The following STK11IP variants were observed in gnomAD, a reference collection of about 807,000 sequenced individuals.
The protein encoded by STK11IP is serine/threonine-protein kinase 11-interacting protein.
Under a neutral mutation model 131.7 loss-of-function variants are expected in STK11IP, and 103 were observed. The ratio of observed to expected loss-of-function variants is 0.78; its 90% CI spans 0.67 to 0.92. STK11IP has a LOEUF of 0.92. Ranked by LOEUF, STK11IP falls within the 40% of genes least tolerant of loss-of-function variation. STK11IP has a pLI of 0.00. For synonymous variants in STK11IP, 557 were observed against 575.6 expected (o/e 0.97, Z 0.46); for missense variants, 1,315 against 1,385.7 (o/e 0.95, Z 0.81).
chr2:219,607,668 A>G (rs59526512), intron 13 of STK11IP, among the ~76,000 whole-genome samples: 1 of 152,220 alleles, frequency 6.6e-6, no homozygotes, highest in African/African-American at 2.4e-5. Context: ...TTAAAAAAAA[A>G]AGTAAAAAAC....
At chr2:219,601,831 T>C (rs898096097) in intron 4 of STK11IP, 116 bp downstream of exon 4, 2 of 1,278,410 alleles carry the variant, frequency 1.6e-6, no homozygotes, top group Non-Finnish European at 2.2e-6. Context: ...TACCCATTGC[T>C]CTGCAGTCAT....
intron 19 of STK11IP, among the ~76,000 whole-genome samples, chr2:219,612,745 C>T (rs867754580): frequency 9.2e-5 from 14 of 152,194 alleles, no homozygotes; most frequent in African/African-American, 3.4e-4. Flanking sequence ...GGGGGGCCGG[C>T]AGGGGCCAGG....
intron 2 of STK11IP, among the ~76,000 whole-genome samples, chr2:219,600,841 T>A (rs1416116448): frequency 6.6e-6 from 1 of 152,254 alleles, no homozygotes; most frequent in Non-Finnish European, 1.5e-5. Context: ...TATTACTTCT[T>A]GAGGCGGCTT....
Position 219,611,838 on chromosome 2 carries a change from AGT to A in STK11IP, c.2335+5_2335+6del, listed in dbSNP as rs1400752243. 1.9e-6 allele frequency: 3 copies of A among 1,608,566 alleles called. No individual in the cohort carries two copies. The highest frequency in any genetic ancestry group is 2.5e-6 in the Non-Finnish European group (3 of 1,177,716). ...GGTAGTTGGAGCCTCAGTCCCCGTG[AGT>A]ATAGGCAAAACAAGACATAGATGAG... On this transcript the variant is annotated splice_donor_5th_base_variant and intron_variant, in intron 18 of 24. Coordinates refer to ENST00000456909, the MANE Select transcript of STK11IP (RefSeq NM_052902.4).
chr2:219,602,208 C>A, intron 5 of STK11IP, 125 bp downstream of exon 5: 1 of 732,458 alleles, frequency 1.4e-6, no homozygotes, highest in Non-Finnish European at 2.3e-6. Context: ...TGTCCTCACT[C>A]CCTCTCTGTG....
At chr2:219,609,808 A>G in intron 17 of STK11IP, 1 of 389,316 alleles carries the variant, frequency 2.6e-6, no homozygotes, top group South Asian at 2.8e-5. Context: ...GCTTAAACAT[A>G]CTCATTATTT....
intron 10 of STK11IP, 64 bp downstream of exon 10, chr2:219,606,354 C>T: frequency 6.5e-7 from 1 of 1,544,560 alleles, no homozygotes; most frequent in Non-Finnish European, 8.8e-7. Flanking sequence ...CCACCTTGCA[C>T]CCTCTTGCCA....
At chr2:219,611,125 C>T (rs558617432) in intron 17 of STK11IP, among the ~76,000 whole-genome samples, 70 of 152,256 alleles carry the variant, frequency 4.6e-4, no homozygotes, top group African/African-American at 1.7e-3. Context: ...AGACGAGGAA[C>T]CAGGCTCACA....
intron 11 of STK11IP, 43 bp downstream of exon 11, chr2:219,606,560 A>C (rs1559180337): frequency 6.2e-7 from 1 of 1,612,064 alleles, no homozygotes; most frequent in Admixed American, 1.7e-5. Flanking sequence ...GGAAGACACG[A>C]AGGGAGGGCG....
At position 219,601,460 on chromosome 2, in the gene STK11IP, G is replaced by A; in HGVS notation, c.267+20G>A. 1 of 1,613,108 alleles carries A rather than the reference G, an allele frequency of 6.2e-7. No individual in the cohort carries two copies. Among genetic ancestry groups the A allele is most frequent in the African/African-American group, 1.3e-5 (1 of 75,046 alleles). ...CTCAAGGTTCTGGGTGTGGGGAAGA[G>A]GCAGGATGTGCAAGGAGCCCAAGAG... On this transcript the variant is annotated intron_variant, in intron 3 of 24. Transcript: ENST00000456909.
rs1309081218 is a variant in STK11IP at position 219,615,305 on chromosome 2, A to C, written c.3081A>C (p.Ser1027=). The C allele has an allele frequency of 6.2e-7, 1 of 1,602,956 alleles. No homozygotes were observed. Among genetic ancestry groups the C allele is most frequent in the Non-Finnish European group, 8.5e-7 (1 of 1,179,542 alleles). ...SSLSSVLLYR[S]APEDLRLLFY... ...TGAGCTCCGTGCTGCTCTACCGCTC[A>C]GCCCCTGAGGACTTGCGGCTGCTCT... Residue 1027 remains serine, a synonymous_variant, in exon 24 of 25, where the codon TCA becomes TCC. Coordinates refer to ENST00000456909, the MANE Select transcript of STK11IP (RefSeq NM_052902.4).
rs1698189623 is a variant in STK11IP, at chr2:219,606,997, G to A, written c.1135-56G>A. The A allele has an allele frequency of 3.1e-6, 5 of 1,608,022 alleles. No homozygotes were observed. In the South Asian group the frequency reaches 5.5e-5, roughly 18 times the overall value. On this transcript the variant is annotated intron_variant, in intron 12 of 24. Transcript: ENST00000456909. ...TTGATAGGTTGGATGGCCAGCCGTG[G>A]ATGGCAGGGCTGGAGGCTTGGCTTT...
chr2:219,602,667 T>C lies in STK11IP; in HGVS notation c.547-38T>C, dbSNP rs752522098. ...GCTGGTTGACCAGATAGTATTGTAGTGAACATCGATTCTCTGCCTCCTCCC... is the reference window on the plus strand; with the variant it reads ...GCTGGTTGACCAGATAGTATTGTAGCGAACATCGATTCTCTGCCTCCTCCC... On this transcript the variant is annotated intron_variant, in intron 6 of 24. Transcript: ENST00000456909. 6.2e-6 allele frequency: 10 copies of C among 1,612,644 alleles called. No individual in the cohort carries two copies. The Admixed American group carries it at 1.3e-4, about 22-fold the overall frequency.
rs1698271538 is a variant in STK11IP, at chr2:219,608,369, A to G, written c.1542A>G (p.Glu514=). ...AGAAGGAGGAGGGGGAGATGGTGGAACAGGGAGAAGAGGAGGCAGGAGAGG... is the reference window on the plus strand; with the variant it reads ...AGAAGGAGGAGGGGGAGATGGTGGAGCAGGGAGAAGAGGAGGCAGGAGAGG... ...KEEKEEGEMV[E]QGEEEAGEEE... Residue 514 remains glutamate, a synonymous_variant, in exon 14 of 25, where the codon GAA becomes GAG. Transcript: ENST00000456909. The G allele has an allele frequency of 6.3e-7, 1 of 1,581,798 alleles. No individual in the cohort carries two copies. The highest frequency in any genetic ancestry group is 8.6e-7 in the Non-Finnish European group (1 of 1,164,118).
chr2:219,615,230 G>T lies in STK11IP; in HGVS notation c.3006G>T (p.Ser1002=). Residue 1002 remains serine (S), a synonymous_variant, in exon 24 of 25, where the codon TCG becomes TCT. Transcript: ENST00000456909. ...AAGCCTCTGAGAAGGTGCCTCCCTC[G>T]GGGCCGGGCCCTGCTGTGCGTGTCA... The part of the protein sequence containing the change: ...SGEASEKVPP[S]GPGPAVRVRE... 3 of 1,595,114 alleles carry T rather than the reference G, an allele frequency of 1.9e-6. No individual in the cohort carries two copies. The highest frequency in any genetic ancestry group is 1.7e-5 in the Admixed American group (1 of 58,128).
rs187483004 is a variant in STK11IP at position 219,609,375 on chromosome 2, G to A, written c.1939G>A (p.Val647Met). 52 of 1,613,744 alleles carry A rather than the reference G, an allele frequency of 3.2e-5. No homozygotes were observed. The highest frequency in any genetic ancestry group is 4.2e-5 in the Non-Finnish European group (49 of 1,179,842). The part of the protein sequence containing the change: ...AHAAVQELLA[V>M]LTPVTNVARE... Reference sequence around the variant, plus strand: ...CACCCTCTGTCAGGAGCTGCTTGCCGTGTTGACCCCAGTCACCAATGTGGC... The same window carrying A: ...CACCCTCTGTCAGGAGCTGCTTGCCATGTTGACCCCAGTCACCAATGTGGC... Residue 647 changes from valine to methionine, a missense_variant, in exon 17 of 25, where the codon GTG becomes ATG. Physicochemically the swap from Val to Met is conservative, Grantham distance 21. Transcript: ENST00000456909.
chr2:219,605,384 G>C (rs145168531), intron 7 of STK11IP: 2 of 478,632 alleles, frequency 4.2e-6, no homozygotes, highest in Non-Finnish European at 7.5e-6. Flanking sequence ...AATTTAAGGG[G>C]CTTGGAGTTG....
rs199603934 is a variant in STK11IP, at chr2:219,611,600, C to T, written c.2105-4C>T. The T allele has an allele frequency of 1.9e-6, 3 of 1,609,396 alleles. No homozygotes were observed. The highest frequency in any genetic ancestry group is 2.7e-5 in the African/African-American group (2 of 74,932). On this transcript the variant is annotated splice_polypyrimidine_tract_variant and splice_region_variant and intron_variant, in intron 17 of 24. Transcript: ENST00000456909. ...CATGGGGACCGTGTCCATCCTCCCT[C>T]CAGAATCTCCTGCTGTGTGTCCTAA...
chr2:219,614,283 C>T (rs780931680), intron 22 of STK11IP, 41 bp downstream of exon 22: 3 of 1,605,732 alleles, frequency 1.9e-6, no homozygotes, highest in Non-Finnish European at 1.7e-6. Flanking sequence ...GCTGCCCAAT[C>T]CTCTTTCCAC....
Sources: gnomAD v4.1 joint callset for allele counts (sites outside exome capture counted in the v4.1 genomes callset) on GRCh38, gnomAD v4.1.1 for gene constraint, MANE v1.5 for transcripts, NCBI Gene and HGNC (gene_info 2026-07-23, HGNC 2026-07-21) for gene names.